The following ZMYND8 variants were observed in gnomAD, a reference collection of about 807,000 sequenced individuals.
ZMYND8 encodes zinc finger MYND-type containing 8, also known as MYND-type zinc finger-containing chromatin reader ZMYND8.
ZMYND8 carries 37 observed loss-of-function variants against 140.8 expected under a neutral mutation model. The ratio of observed to expected loss-of-function variants is 0.26; its 90% confidence interval spans 0.20 to 0.35. The LOEUF is 0.35. ZMYND8 is among the 10% of genes least tolerant of loss of function. The pLI is 1.00. For missense variants in ZMYND8, 1,068 were observed against 1,570.0 expected (o/e 0.68, Z 5.40); for synonymous variants, 592 against 597.1 (o/e 0.99, Z 0.12).
At chr20:47,232,999 T>C (rs1171204467) in intron 16 of ZMYND8, among the ~76,000 whole-genome samples, 1 of 149,946 alleles carries the variant, frequency 6.7e-6, no homozygotes. Context: ...GTCCATCCCC[T>C]GGGTTCAAGC....
At chr20:47,236,611 G>C (rs2039272333) in intron 15 of ZMYND8, 95 bp from the exon 16 acceptor site, 1 of 1,280,442 alleles carries the variant, frequency 7.8e-7, no homozygotes, top group East Asian at 2.8e-5. Context: ...TAGACATCCT[G>C]AGAGCTTTTC....
Position 47,210,428 on chromosome 20 carries a change from TA to T in ZMYND8, c.*332del, listed in dbSNP as rs142512270. On this transcript the variant is annotated 3_prime_UTR_variant, in exon 23 of 23. Transcript: ENST00000471951. ...GGTTGGTTGCTTTTTTTTTTTTTTTTAAATCGTTTTTCTTTTTCTTTTTTTT... is the reference window on the plus strand; with the variant it reads ...GGTTGGTTGCTTTTTTTTTTTTTTTTAATCGTTTTTCTTTTTCTTTTTTTT... The T allele has an allele frequency of 0.05, 7,994 of 161,424 alleles. 843 individuals are homozygous for T. Among genetic ancestry groups the T allele is most frequent in the African/African-American group, 0.19 (7,330 of 38,068 alleles). 10.0% of individuals were successfully genotyped at this position (161,424 alleles called of 1,614,324 possible).
chr20:47,295,467 C>T (rs2077578744), intron 4 of ZMYND8, among the ~76,000 whole-genome samples: 1 of 152,200 alleles, frequency 6.6e-6, no homozygotes, highest in Admixed American at 6.5e-5. Flanking sequence ...AGGATGGGTA[C>T]TTATCAACCA....
At chr20:47,251,540 T>C (rs2074171886) in intron 12 of ZMYND8, among the ~76,000 whole-genome samples, 1 of 151,638 alleles carries the variant, frequency 6.6e-6, no homozygotes, top group Non-Finnish European at 1.5e-5. Context: ...TGAGCCATGA[T>C]TGCGTCACTG....
intron 3 of ZMYND8, among the ~76,000 whole-genome samples, chr20:47,302,509 C>T (rs2078136003): frequency 6.6e-6 from 1 of 152,040 alleles, no homozygotes. Flanking sequence ...CGAGATATCT[C>T]ACTATGTATA....
chr20:47,303,237 A>G (rs546921495), intron 3 of ZMYND8, among the ~76,000 whole-genome samples: 16 of 152,266 alleles, frequency 1.1e-4, no homozygotes, highest in African/African-American at 3.6e-4. Context: ...CTGTTGAAAG[A>G]TAAGCTATAC....
At chr20:47,331,604 A>G (rs2080949599) in intron 2 of ZMYND8, among the ~76,000 whole-genome samples, 1 of 152,182 alleles carries the variant, frequency 6.6e-6, no homozygotes, top group African/African-American at 2.4e-5. Context: ...AGGCGAGACA[A>G]GGACAGGGCC....
intron 21 of ZMYND8, among the ~76,000 whole-genome samples, chr20:47,217,525 G>A (rs2036300370): frequency 6.6e-6 from 1 of 152,098 alleles, no homozygotes; most frequent in African/African-American, 2.4e-5. Context: ...TGCCAAGTTC[G>A]TATCCTTCCT....
At chr20:47,329,498 G>A (rs935722054) in intron 2 of ZMYND8, among the ~76,000 whole-genome samples, 28 of 151,988 alleles carry the variant, frequency 1.8e-4, no homozygotes, top group Non-Finnish European at 2.9e-5. Flanking sequence ...TCCTCCTCCC[G>A]AGTTCAAGCG....
In ZMYND8 at chr20:47,276,489, C is replaced by T. The variant is rs1233276815; in HGVS notation, c.1305G>A (p.Val435=). 5 of 1,614,096 alleles carry T rather than the reference C, an allele frequency of 3.1e-6. No homozygotes were observed. In the Middle Eastern group the frequency reaches 4.9e-4, roughly 160 times the overall value. The change falls in exon 11 of 23, where the codon GTG becomes GTA. Residue 435 remains valine, a synonymous_variant. Transcript: ENST00000471951. ...ASPKILMSKP[V]LSGGTGRRIS... is the part of the protein sequence containing the mutation. ...TCCGGCGGCCTGTGCCCCCACTCAGCACAGGCTTGCTCATCAGGATCTTGG... is the reference window on the plus strand; with the variant it reads ...TCCGGCGGCCTGTGCCCCCACTCAGTACAGGCTTGCTCATCAGGATCTTGG...
At chr20:47,234,907 A>AG (rs1407652368) in intron 16 of ZMYND8, among the ~76,000 whole-genome samples, 3 of 152,160 alleles carry the variant, frequency 2.0e-5, no homozygotes, top group African/African-American at 7.2e-5. Flanking sequence ...TGGGAGGACT[A>AG]GGCAGGAAGA....
intron 16 of ZMYND8, among the ~76,000 whole-genome samples, chr20:47,234,142 A>G (rs1419097291): frequency 6.6e-6 from 1 of 152,212 alleles, no homozygotes; most frequent in Non-Finnish European, 1.5e-5. Context: ...TCCACCTCCC[A>G]GGTTCAAGCA....
intron 21 of ZMYND8, 99 bp from the exon 22 acceptor site, chr20:47,212,824 T>TATTA: frequency 9.2e-7 from 1 of 1,085,056 alleles, no homozygotes; most frequent in Non-Finnish European, 1.3e-6. Context: ...AGGCTACTGT[T>TATTA]ATTAGAACCA....
chr20:47,305,083 A>G (rs553958359), intron 3 of ZMYND8, among the ~76,000 whole-genome samples: 3 of 144,010 alleles, frequency 2.1e-5, no homozygotes, highest in African/African-American at 5.2e-5. Flanking sequence ...ACAAAAAGTT[A>G]AAAAAAAAAA....
At chr20:47,303,327 T>C (rs1187544114) in intron 3 of ZMYND8, among the ~76,000 whole-genome samples, 1 of 152,236 alleles carries the variant, frequency 6.6e-6, no homozygotes, top group Non-Finnish European at 1.5e-5. Flanking sequence ...TCTTCTAGGA[T>C]GCTACTGTGG....
intron 11 of ZMYND8, 152 bp from the exon 12 acceptor site, chr20:47,262,580 A>G: frequency 9.1e-7 from 1 of 1,094,156 alleles, no homozygotes; most frequent in Non-Finnish European, 1.3e-6. Flanking sequence ...GGTGGAGCAT[A>G]GCAGGTTGGC....
At chr20:47,332,173 T>C (rs551988821) in intron 2 of ZMYND8, among the ~76,000 whole-genome samples, 2 of 152,244 alleles carry the variant, frequency 1.3e-5, no homozygotes, top group Admixed American at 1.3e-4. Context: ...TAGCCGAGCA[T>C]GGTGACGTGC....
At chr20:47,337,209 G>T (rs866184191) in intron 2 of ZMYND8, among the ~76,000 whole-genome samples, 1 of 151,926 alleles carries the variant, frequency 6.6e-6, no homozygotes, top group East Asian at 1.9e-4. Context: ...AAAATTAGCC[G>T]GGCGTGGTGG....
At chr20:47,328,722 T>C (rs543034816) in intron 2 of ZMYND8, among the ~76,000 whole-genome samples, 42 of 152,312 alleles carry the variant, frequency 2.8e-4, no homozygotes, top group South Asian at 1.0e-3. Context: ...CCTCCCAAAG[T>C]GCTGGGATTC....
Sources: allele counts gnomAD v4.1 joint callset (sites outside exome capture counted in the v4.1 genomes callset), GRCh38; gene constraint gnomAD v4.1.1; transcripts MANE v1.5; gene names NCBI Gene and HGNC (gene_info 2026-07-23, HGNC 2026-07-21).